VPS37A: variants seen among roughly 807,000 people sequenced by gnomAD.
VPS37A encodes the protein VPS37A subunit of ESCRT-I.
VPS37A carries 30 observed loss-of-function variants against 49.8 expected under a neutral mutation model. The observed-to-expected ratio is 0.60, with a 90% confidence interval of 0.45 to 0.82. The LOEUF is 0.82. Among genes scored for constraint, VPS37A ranks in the 40% least tolerant of loss-of-function variants. The pLI, the probability that VPS37A is intolerant of heterozygous loss-of-function variation, is 0.00. For synonymous variants in VPS37A, 195 were observed against 160.6 expected (o/e 1.21, Z -1.62); for missense variants, 593 against 464.4 (o/e 1.28, Z -2.55).
chr8:17,283,750 T>C (rs1349917476), intron 9 of VPS37A, among the ~76,000 whole-genome samples: 1 of 152,218 alleles, frequency 6.6e-6, no homozygotes, highest in African/African-American at 2.4e-5. Context: ...ACTGTAACTT[T>C]GTTAGTAACT....
chr8:17,289,541 T>C (rs1352014315), intron 11 of VPS37A, among the ~76,000 whole-genome samples: 2 of 152,162 alleles, frequency 1.3e-5, no homozygotes, highest in Non-Finnish European at 2.9e-5. Flanking sequence ...AGGCCTCTGT[T>C]CTGTTCCATT....
chr8:17,253,184 C>A (rs1812132356), intron 1 of VPS37A, among the ~76,000 whole-genome samples: 2 of 152,056 alleles, frequency 1.3e-5, no homozygotes, highest in South Asian at 4.1e-4. Flanking sequence ...ATCTGCCCCT[C>A]CCCCCAACCT....
chr8:17,313,702 T>C, the VPS37A span, among the ~76,000 whole-genome samples: 35 of 152,260 alleles, frequency 2.3e-4, no homozygotes, highest in South Asian at 6.6e-3. Context: ...GCAGAAAATA[T>C]CGATTTGCCT....
At chr8:17,250,825 CG>C (rs1480072662) in intron 1 of VPS37A, among the ~76,000 whole-genome samples, 5 of 152,238 alleles carry the variant, frequency 3.3e-5, no homozygotes, top group Non-Finnish European at 7.3e-5. Context: ...ACAATATGCA[CG>C]GCAAATGAGA....
intron 1 of VPS37A, among the ~76,000 whole-genome samples, chr8:17,264,943 T>C (rs1326709953): frequency 6.6e-6 from 1 of 152,200 alleles, no homozygotes; most frequent in Non-Finnish European, 1.5e-5. Context: ...CTTATGAATG[T>C]AGAATGTTAA....
intron 1 of VPS37A, among the ~76,000 whole-genome samples, chr8:17,264,838 T>C (rs1041186641): frequency 3.3e-5 from 5 of 152,184 alleles, no homozygotes; most frequent in African/African-American, 1.2e-4. Flanking sequence ...GGAAATATCA[T>C]GAATATTGGT....
intron 9 of VPS37A, among the ~76,000 whole-genome samples, chr8:17,282,961 A>C (rs552024142): frequency 6.6e-6 from 1 of 152,342 alleles, no homozygotes; most frequent in African/African-American, 2.4e-5. Flanking sequence ...GTACTCAATA[A>C]ATATTTAATG....
the VPS37A span, among the ~76,000 whole-genome samples, chr8:17,308,561 T>C: frequency 3.9e-5 from 6 of 152,196 alleles, no homozygotes; most frequent in Non-Finnish European, 5.9e-5. Flanking sequence ...TATATCAAAC[T>C]AATGAAACTT....
At chr8:17,309,383 A>G in the VPS37A span, 1 of 1,170,192 alleles carries the variant, frequency 8.5e-7, no homozygotes, top group Non-Finnish European at 1.3e-6. Context: ...ATAAGAGACC[A>G]CACAACCAAT....
At chr8:17,321,733 T>A in the VPS37A span, among the ~76,000 whole-genome samples, 1 of 152,186 alleles carries the variant, frequency 6.6e-6, no homozygotes, top group African/African-American at 2.4e-5. Flanking sequence ...TCAGCTGACA[T>A]CAGAGACATA....
chr8:17,293,277 C>T (rs891151249), intron 11 of VPS37A, among the ~76,000 whole-genome samples: 4 of 151,678 alleles, frequency 2.6e-5, no homozygotes, highest in East Asian at 3.9e-4. Context: ...ATGAAGTTCT[C>T]GTGCTGTGTT....
At chr8:17,279,787 T>C in intron 6 of VPS37A, 3 of 558,334 alleles carry the variant, frequency 5.4e-6, no homozygotes, top group Non-Finnish European at 1.0e-5. Flanking sequence ...TATATCGATA[T>C]ATCCATTGGA....
rs1349821064 is a variant in VPS37A at position 17,295,862 on chromosome 8, T to C, written c.*876T>C. ...CCTTTTCCTAAGAGGAAAGCTATAG[T>C]AATAAGTAAAATTTAATTTTTAGGC... On this transcript the variant is annotated 3_prime_UTR_variant, in exon 12 of 12. Coordinates refer to ENST00000324849, the MANE Select transcript of VPS37A (RefSeq NM_152415.3). The C allele has an allele frequency of 6.6e-6, 1 of 152,198 alleles. No individual in the cohort carries two copies. The highest frequency in any genetic ancestry group is 2.4e-5 in the African/African-American group (1 of 41,464). 9.4% of individuals were successfully genotyped at this position (152,198 alleles called of 1,614,324 possible).
chr8:17,307,048 TTAAAC>T (rs1458347045), downstream of VPS37A, among the ~76,000 whole-genome samples: 11 of 152,112 alleles, frequency 7.2e-5, no homozygotes, highest in African/African-American at 2.2e-4. Flanking sequence ...TGGGATCTAA[TTAAAC>T]TAAAGAGCTT....
At chr8:17,322,188 C>A in the VPS37A span, among the ~76,000 whole-genome samples, 1 of 152,170 alleles carries the variant, frequency 6.6e-6, no homozygotes, top group Admixed American at 6.5e-5. Flanking sequence ...ATCCATAAGA[C>A]AGTCTTCAGA....
the VPS37A span, among the ~76,000 whole-genome samples, chr8:17,315,490 G>A: frequency 6.6e-6 from 1 of 152,228 alleles, no homozygotes; most frequent in Non-Finnish European, 1.5e-5. Flanking sequence ...ATGTGCCAAT[G>A]TAGGTGCACT....
At chr8:17,326,114 A>C in the VPS37A span, among the ~76,000 whole-genome samples, 1 of 152,316 alleles carries the variant, frequency 6.6e-6, no homozygotes, top group Non-Finnish European at 1.5e-5. Context: ...CTAGGACTTC[A>C]CACACTGAGG....
At chr8:17,283,353 G>A (rs370385524) in intron 9 of VPS37A, among the ~76,000 whole-genome samples, 2 of 151,898 alleles carry the variant, frequency 1.3e-5, no homozygotes, top group African/African-American at 2.4e-5. Context: ...ACGGGGTCTC[G>A]CTATGTTGCC....
the VPS37A span, among the ~76,000 whole-genome samples, chr8:17,315,642 C>T: frequency 3.9e-5 from 6 of 152,034 alleles, no homozygotes; most frequent in Non-Finnish European, 7.4e-5. Context: ...AAGAAAAAGT[C>T]TTTAAAAACA....
Sources: gnomAD v4.1 joint callset for allele counts (sites outside exome capture counted in the v4.1 genomes callset) on GRCh38, gnomAD v4.1.1 for gene constraint, MANE v1.5 for transcripts, NCBI Gene and HGNC (gene_info 2026-07-23, HGNC 2026-07-21) for gene names.